Variants in VAV1 observed in about 807,000 individuals in gnomAD.
The protein encoded by VAV1 is proto-oncogene vav.
In VAV1, 33 loss-of-function variants were observed where a neutral mutation model predicts 128.1. The ratio of observed to expected loss-of-function variants is 0.26; its 90% confidence interval spans 0.20 to 0.34. VAV1 has a LOEUF of 0.34. Ranked by LOEUF, VAV1 falls within the 10% of genes least tolerant of loss-of-function variation. VAV1 has a pLI of 1.00. For synonymous variants in VAV1, 394 were observed against 409.8 expected, an observed-to-expected ratio of 0.96 and a Z score of 0.47; for missense variants, 715 against 1,093.7, an observed-to-expected ratio of 0.65 and a Z score of 4.88.
chr19:6,821,926 G>A lies in VAV1; in HGVS notation c.449+67G>A, dbSNP rs1274407679. 7.5e-6 allele frequency: 12 copies of A among 1,595,156 alleles called. No individual in the cohort carries two copies. The South Asian group carries it at 1.1e-4, about 15-fold the overall frequency. On this transcript the variant is annotated intron_variant, in intron 4 of 26. Transcript: ENST00000602142. ...CGTCCTGGGGGTGGAGGGTGTGGGG[G>A]GACATGGCCTTGCCCTCCGGGAAAT... is the stretch of plus-strand genomic sequence containing the variant.
At chr19:6,814,305 C>A (rs1425614219) in intron 1 of VAV1, among the ~76,000 whole-genome samples, 1 of 152,092 alleles carries the variant, frequency 6.6e-6, no homozygotes, top group Non-Finnish European at 1.5e-5. Context: ...CAATCCACAC[C>A]CTTATCAAAA....
intron 23 of VAV1, among the ~76,000 whole-genome samples, chr19:6,850,204 G>A (rs1450737999): frequency 9.0e-6 from 1 of 111,038 alleles, no homozygotes; most frequent in Non-Finnish European, 1.9e-5. Flanking sequence ...AATAGGAAGA[G>A]TTTTGTTTGT....
intron 1 of VAV1, among the ~76,000 whole-genome samples, chr19:6,808,361 A>G (rs758911601): frequency 7.9e-5 from 12 of 152,112 alleles, no homozygotes; most frequent in Non-Finnish European, 1.5e-4. Context: ...CTCCCCAATA[A>G]TTACCTTAGG....
Position 6,829,649 on chromosome 19 carries a change from T to C in VAV1, c.1266-137T>C, listed in dbSNP as rs535188394. 6.1e-5 allele frequency: 79 copies of C among 1,288,562 alleles called. 1 individual carries two copies. In the South Asian group the frequency reaches 9.6e-4, roughly 16 times the overall value. 79.8% of individuals were successfully genotyped at this position (1,288,562 alleles called of 1,614,324 possible). A position where few individuals can be genotyped will look rare whatever the true frequency, so the allele number is the denominator to read the frequency against. On this transcript the variant is annotated intron_variant, in intron 13 of 26. Coordinates refer to ENST00000602142, the MANE Select transcript of VAV1 (RefSeq NM_005428.4). The stretch of plus-strand genomic sequence containing the variant: ...GCGGATCACGTGGGTGAAGTCAGGA[T>C]GGACAGGTGGGCATGGCCAAGTTGG...
chr19:6,811,991 T>C (rs11878414), intron 1 of VAV1, among the ~76,000 whole-genome samples: 10,396 of 152,074 alleles, frequency 0.068, 482 homozygotes, highest in Non-Finnish European at 0.11. Flanking sequence ...AGAGAGGAGG[T>C]ATGGAGAAGT....
chr19:6,825,226 C>T (rs566185948), intron 7 of VAV1, 77 bp from the exon 8 acceptor site: 35 of 1,571,972 alleles, frequency 2.2e-5, no homozygotes, highest in South Asian at 1.5e-4. Flanking sequence ...CGGCATGGGG[C>T]GGGTGGATGA....
In VAV1 at chr19:6,816,017, A is replaced by ATTTT. The variant is rs1157742259; in HGVS notation, c.205-4668_205-4665dup. ...ATAATGAAACTCTCTGTCTCTACAA[A>ATTTT]TTTTTTTTTTTTTTTTTTTTGAGAC... is the stretch of plus-strand genomic sequence containing the variant. On this transcript the variant is annotated intron_variant, in intron 1 of 26. Coordinates refer to ENST00000602142, the MANE Select transcript of VAV1 (RefSeq NM_005428.4). Among the ~76,000 whole-genome samples the ATTTT allele has an allele frequency of 2.3e-3, 309 of 133,744 alleles. 3 individuals carry two copies. The East Asian group carries it at 0.04, about 17-fold the overall frequency. 87.7% of individuals were successfully genotyped at this position (133,744 alleles called of 152,430 possible). A position where few individuals can be genotyped will look rare whatever the true frequency, so the allele number is the denominator to read the frequency against.
chr19:6,828,196 G>A lies in VAV1; in HGVS notation c.1023+25G>A. The stretch of plus-strand genomic sequence containing the variant: ...GGTGCCAGGCACATCTCTAGGCGTG[G>A]GCTCCACGTACCTACTCTCCTGTGT... On this transcript the variant is annotated intron_variant, in intron 10 of 26. Transcript: ENST00000602142. The surrounding 1 kb of genome is among the most constrained non-coding windows in gnomAD (Gnocchi z 4.5). The A allele has an allele frequency of 6.2e-7, 1 of 1,612,490 alleles. No individual in the cohort carries two copies. The highest frequency in any genetic ancestry group is 8.5e-7 in the Non-Finnish European group (1 of 1,178,780).
In VAV1 at chr19:6,777,256, TCCATCC is replaced by T; in HGVS notation, c.204+4246_204+4251del. 6.6e-6 allele frequency among the ~76,000 whole-genome samples: 1 copy of T among 151,528 alleles called. No homozygotes were observed. The highest frequency in any genetic ancestry group is 1.5e-5 in the Non-Finnish European group (1 of 67,886). Reference sequence around the variant, plus strand: ...AACTATCCATCCATCCATCCATCCATCCATCCATCCATCCATCCATCCATCCATCCA... The same window carrying T: ...AACTATCCATCCATCCATCCATCCATATCCATCCATCCATCCATCCATCCA... On this transcript the variant is annotated intron_variant, in intron 1 of 26. Transcript: ENST00000602142. This position sits in a 1 kb window ranked among gnomAD's most constrained non-coding sequence, Gnocchi z 4.4.
chr19:6,783,801 T>C (rs1237074413), intron 1 of VAV1, among the ~76,000 whole-genome samples: 3 of 151,888 alleles, frequency 2.0e-5, no homozygotes, highest in Non-Finnish European at 4.4e-5. Flanking sequence ...CTTGGTCACA[T>C]GGCTCCATTT....
chr19:6,782,053 C>T (rs1568281950), intron 1 of VAV1, among the ~76,000 whole-genome samples: 1 of 152,038 alleles, frequency 6.6e-6, no homozygotes, highest in African/African-American at 2.4e-5. Flanking sequence ...GAATGTTGGC[C>T]GTGCACATGG....
At chr19:6,776,148 T>G (rs1368101191) in intron 1 of VAV1, among the ~76,000 whole-genome samples, 1 of 72,616 alleles carries the variant, frequency 1.4e-5, no homozygotes, top group African/African-American at 5.8e-5. Flanking sequence ...ATCCATCTGC[T>G]CATCTATCCA....
At position 6,838,660 on chromosome 19, in the gene VAV1, T is replaced by G. The variant is rs548530246; in HGVS notation, c.1980+1610T>G. ...TATCATTTATCCATCACCTGTCTGT[T>G]TATCATCTATCATCTTTCCATCTAT... On this transcript the variant is annotated intron_variant, in intron 21 of 26. Coordinates refer to ENST00000602142, the MANE Select transcript of VAV1 (RefSeq NM_005428.4). Among the ~76,000 whole-genome samples the G allele has an allele frequency of 4.5e-4, 68 of 152,262 alleles. 1 individual carries two copies. In the Middle Eastern group the frequency reaches 0.02, roughly 46 times the overall value.
intron 24 of VAV1, 115 bp from the exon 25 acceptor site, chr19:6,852,850 A>G (rs1972701966): frequency 1.2e-5 from 9 of 738,420 alleles, no homozygotes; most frequent in Admixed American, 2.6e-5. Context: ...CACTTTCCAA[A>G]GAGGCCAGAA....
intron 1 of VAV1, among the ~76,000 whole-genome samples, chr19:6,809,833 T>C (rs1971477383): frequency 6.6e-6 from 1 of 151,774 alleles, no homozygotes; most frequent in African/African-American, 2.4e-5. Flanking sequence ...GGATGTAGAA[T>C]CTGAATAATC....
Position 6,825,635 on chromosome 19 carries a change from C to T in VAV1, c.827+229C>T, listed in dbSNP as rs1331598883. Among the ~76,000 whole-genome samples the T allele has an allele frequency of 2.0e-5, 3 of 152,196 alleles. No homozygotes were observed. In the East Asian group the frequency reaches 5.8e-4, roughly 29 times the overall value. On this transcript the variant is annotated intron_variant, in intron 8 of 26. Coordinates refer to ENST00000602142, the MANE Select transcript of VAV1 (RefSeq NM_005428.4). ...CTTCCTCATCTGTACATCAGTGGGC[C>T]ACAGGAATGTGCCTCCTAGGCTGGT...
intron 21 of VAV1, among the ~76,000 whole-genome samples, chr19:6,837,420 G>A (rs1972249510): frequency 6.6e-6 from 1 of 151,958 alleles, no homozygotes; most frequent in African/African-American, 2.4e-5. Context: ...CCCTGCTCCT[G>A]GTGGACACAC....
At chr19:6,852,646 T>G (rs1378424494) in intron 24 of VAV1, among the ~76,000 whole-genome samples, 5 of 150,284 alleles carry the variant, frequency 3.3e-5, no homozygotes, top group Admixed American at 6.6e-5. Context: ...GCATGAACCC[T>G]GGAGGCGGAG....
chr19:6,816,494 C>T (rs182797100), intron 1 of VAV1: 1 of 145,306 alleles, frequency 6.9e-6, no homozygotes, highest in East Asian at 2.0e-4. Flanking sequence ...CTCTCTCGCT[C>T]TCTCTCTCTC....
Sources: allele counts gnomAD v4.1 joint callset (sites outside exome capture counted in the v4.1 genomes callset), GRCh38; gene constraint gnomAD v4.1.1; non-coding constraint Gnocchi (gnomAD v3.1); transcripts MANE v1.5; gene names NCBI Gene and HGNC (gene_info 2026-07-23, HGNC 2026-07-21).